The following LUZP1 variants were observed in gnomAD, a reference collection of about 807,000 sequenced individuals.
The protein encoded by LUZP1 is leucine zipper protein 1.
In LUZP1, 25 loss-of-function variants were observed where a neutral mutation model predicts 71.3. The observed-to-expected ratio is 0.35, with a 90% confidence interval of 0.26 to 0.49. LUZP1 has a LOEUF of 0.49. LUZP1 is among the 20% of genes least tolerant of loss of function. The pLI is 0.99. For synonymous variants in LUZP1, 481 were observed against 506.4 expected, an observed-to-expected ratio of 0.95 and a Z score of 0.67; for missense variants, 1,142 against 1,300.8, an observed-to-expected ratio of 0.88 and a Z score of 1.88.
intron 2 of LUZP1, among the ~76,000 whole-genome samples, chr1:23,143,282 C>A (rs1431522611): frequency 2.0e-5 from 3 of 152,182 alleles, no homozygotes; most frequent in Middle Eastern, 3.2e-3. Flanking sequence ...GCTGGGATTA[C>A]AGGCATGAGC....
chr1:23,119,287 ATCAC>A (rs1003424738), intron 2 of LUZP1, among the ~76,000 whole-genome samples: 1 of 102,504 alleles, frequency 9.8e-6, no homozygotes, highest in Non-Finnish European at 1.8e-5. Flanking sequence ...GAGACAGGGT[ATCAC>A]TCTGTTGCCC....
chr1:23,106,962 G>GT lies in LUZP1; in HGVS notation c.-120+2059dup, dbSNP rs568713980. ...TGCACTCCAAAGGTGTCACATGGCT[G>GT]TAAGGCCCTACATGATCTAGGTCCC... On this transcript the variant is annotated intron_variant, in intron 3 of 4. Transcript: ENST00000302291. 5.3e-5 allele frequency among the ~76,000 whole-genome samples: 8 copies of GT among 152,350 alleles called. No homozygotes were observed. In the South Asian group the frequency reaches 1.7e-3, roughly 32 times the overall value.
At chr1:23,099,295 AGT>A (rs1254867600) in intron 3 of LUZP1, among the ~76,000 whole-genome samples, 15 of 152,244 alleles carry the variant, frequency 9.9e-5, no homozygotes, top group Non-Finnish European at 1.8e-4. Flanking sequence ...ATTTTAAATG[AGT>A]GTATGATACA....
intron 2 of LUZP1, among the ~76,000 whole-genome samples, chr1:23,161,661 T>TA (rs1242075330): frequency 6.6e-6 from 1 of 152,088 alleles, no homozygotes; most frequent in Non-Finnish European, 1.5e-5. Context: ...GAGATTGGCA[T>TA]AAAATGCCAA....
intron 3 of LUZP1, among the ~76,000 whole-genome samples, chr1:23,107,513 T>A (rs553860288): frequency 1.3e-5 from 2 of 152,274 alleles, no homozygotes; most frequent in Admixed American, 6.5e-5. Context: ...GTAATAGGTA[T>A]GTGTAGGCTG....
intron 2 of LUZP1, among the ~76,000 whole-genome samples, chr1:23,153,603 C>T (rs1342727243): frequency 1.3e-5 from 2 of 151,830 alleles, no homozygotes; most frequent in African/African-American, 4.8e-5. Context: ...TTTCATAAGG[C>T]TAAATTATTC....
At chr1:23,086,271 T>C (rs911026463) in exon 5 of LUZP1, 6 of 152,678 alleles carry the variant, frequency 3.9e-5, no homozygotes, top group Non-Finnish European at 8.8e-5. Context: ...ACAATGTTAT[T>C]TTCTGCAATG....
At chr1:23,124,134 T>C (rs1450997813) in intron 2 of LUZP1, among the ~76,000 whole-genome samples, 3 of 152,182 alleles carry the variant, frequency 2.0e-5, no homozygotes, top group Non-Finnish European at 1.5e-5. Flanking sequence ...AGAATCATGC[T>C]GTGAGCAAGA....
At chr1:23,127,853 C>T (rs537513467) in intron 2 of LUZP1, among the ~76,000 whole-genome samples, 14 of 152,008 alleles carry the variant, frequency 9.2e-5, no homozygotes, top group African/African-American at 3.1e-4. Context: ...AAAAAAGTGG[C>T]CGGGCGTGGT....
chr1:23,124,046 T>G (rs1446271499), intron 2 of LUZP1, among the ~76,000 whole-genome samples: 1 of 152,016 alleles, frequency 6.6e-6, no homozygotes, highest in Non-Finnish European at 1.5e-5. Context: ...ATCTACACTC[T>G]CAGAAAAATT....
At chr1:23,101,653 C>T (rs1340932128) in intron 3 of LUZP1, among the ~76,000 whole-genome samples, 6 of 152,218 alleles carry the variant, frequency 3.9e-5, no homozygotes, top group Non-Finnish European at 7.3e-5. Flanking sequence ...ATCATCCCTT[C>T]TCCCCAGAGT....
chr1:23,159,133 G>T (rs1203305300), intron 2 of LUZP1, among the ~76,000 whole-genome samples: 1 of 152,024 alleles, frequency 6.6e-6, no homozygotes, highest in Non-Finnish European at 1.5e-5. Context: ...GAGGTCAGGA[G>T]ATTGAGACCA....
intron 2 of LUZP1, among the ~76,000 whole-genome samples, chr1:23,136,909 C>G (rs923933273): frequency 2.6e-5 from 4 of 152,130 alleles, no homozygotes; most frequent in African/African-American, 9.7e-5. Flanking sequence ...CAGAGCAAGA[C>G]TCCATCTCAA....
intron 2 of LUZP1, among the ~76,000 whole-genome samples, chr1:23,140,126 C>T (rs1423474005): frequency 6.6e-6 from 1 of 151,536 alleles, no homozygotes; most frequent in African/African-American, 2.4e-5. Context: ...CTCCAGGAGT[C>T]CAAGAGCCTT....
intron 2 of LUZP1, among the ~76,000 whole-genome samples, chr1:23,125,796 T>C (rs1305188182): frequency 6.6e-6 from 1 of 152,190 alleles, no homozygotes; most frequent in Non-Finnish European, 1.5e-5. Flanking sequence ...CCAATGTCAA[T>C]TATGAAAAGT....
At chr1:23,101,724 T>C (rs745952764) in intron 3 of LUZP1, among the ~76,000 whole-genome samples, 13 of 152,184 alleles carry the variant, frequency 8.5e-5, no homozygotes, top group Non-Finnish European at 1.6e-4. Flanking sequence ...CTTTTGGCCC[T>C]AAGTAGCCAG....
At chr1:23,123,178 A>G (rs1380463885) in intron 2 of LUZP1, among the ~76,000 whole-genome samples, 1 of 152,130 alleles carries the variant, frequency 6.6e-6, no homozygotes, top group Non-Finnish European at 1.5e-5. Flanking sequence ...CTCATGTCCA[A>G]ATAGCTTTAG....
chr1:23,139,045 T>TATACAC (rs1389415209), intron 2 of LUZP1, among the ~76,000 whole-genome samples: 1 of 119,716 alleles, frequency 8.4e-6, no homozygotes, highest in Non-Finnish European at 1.7e-5. Flanking sequence ...TATATATATA[T>TATACAC]ACACACATCA....
chr1:23,093,782 G>A lies in LUZP1; in HGVS notation c.480C>T (p.Val160=). The A allele has an allele frequency of 1.2e-6, 2 of 1,613,796 alleles. No individual in the cohort carries two copies. Among genetic ancestry groups the A allele is most frequent in the East Asian group, 2.2e-5 (1 of 44,860 alleles). ...CAGAAGATTCTAGTTCTTTCACTTT[G>A]ACTCTGAGCATTTCCAGCTCAGAGG... Residue 160 remains valine, a synonymous_variant, in exon 4 of 5, where the codon GTC becomes GTT. Transcript: ENST00000302291. The surrounding 1 kb of genome is among the most constrained non-coding windows in gnomAD (Gnocchi z 4.2).
Sources: gnomAD v4.1 joint callset for allele counts (sites outside exome capture counted in the v4.1 genomes callset) on GRCh38, gnomAD v4.1.1 for gene constraint, Gnocchi (gnomAD v3.1) non-coding constraint, MANE v1.5 for transcripts, NCBI Gene and HGNC (gene_info 2026-07-23, HGNC 2026-07-21) for gene names.